LSAMP: variants seen among roughly 807,000 people sequenced by gnomAD.
The protein encoded by LSAMP is limbic system associated membrane protein.
In LSAMP, 7 loss-of-function variants were observed where a neutral mutation model predicts 38.6. The ratio of observed to expected loss-of-function variants is 0.18; its 90% CI spans 0.10 to 0.34. LSAMP has a LOEUF of 0.34. LSAMP is among the 10% of genes least tolerant of loss of function. LSAMP has a pLI of 1.00. For synonymous variants in LSAMP, 154 were observed against 166.8 expected (o/e 0.92, Z 0.59); for missense variants, 313 against 420.0 (o/e 0.75, Z 2.23).
At chr3:115,969,101 G>A (rs902637545) in intron 3 of LSAMP, among the ~76,000 whole-genome samples, 9 of 152,068 alleles carry the variant, frequency 5.9e-5, no homozygotes, top group Non-Finnish European at 1.0e-4. Context: ...TTTCCTACCC[G>A]CTTCAGTGCC....
intron 1 of LSAMP, among the ~76,000 whole-genome samples, chr3:116,221,202 A>G (rs369000323): frequency 6.6e-6 from 1 of 151,746 alleles, no homozygotes; most frequent in African/African-American, 2.4e-5. Context: ...TAACCGAAAC[A>G]TTTATTTAAA....
intron 1 of LSAMP, among the ~76,000 whole-genome samples, chr3:116,110,990 GC>G (rs1255332688): frequency 2.0e-5 from 3 of 152,104 alleles, no homozygotes; most frequent in African/African-American, 4.8e-5. Flanking sequence ...GTGGGCAGGG[GC>G]GGGGGGTCAC....
chr3:115,810,518 C>A, intron 6 of LSAMP, 104 bp from the exon 7 acceptor site: 1 of 771,486 alleles, frequency 1.3e-6, no homozygotes, highest in South Asian at 1.6e-5. Context: ...TGGCCAGGTA[C>A]TAGCATCTCA....
At chr3:116,164,760 A>ATATATTTT (rs374542146) in intron 1 of LSAMP, among the ~76,000 whole-genome samples, 6 of 91,616 alleles carry the variant, frequency 6.5e-5, no homozygotes, top group African/African-American at 2.5e-4. Context: ...ATATATATAT[A>ATATATTTT]TTTTTTTTTT....
At chr3:116,416,862 C>T in intron 1 of LSAMP, among the ~76,000 whole-genome samples, 1 of 151,658 alleles carries the variant, frequency 6.6e-6, no homozygotes, top group Admixed American at 6.6e-5. Context: ...TTAATAATAA[C>T]TAATACATAT....
intron 1 of LSAMP, among the ~76,000 whole-genome samples, chr3:116,359,083 T>C (rs1351158040): frequency 6.6e-6 from 1 of 152,212 alleles, no homozygotes; most frequent in Non-Finnish European, 1.5e-5. Flanking sequence ...TTTCTATATG[T>C]GGTTACTATA....
At chr3:116,354,446 C>G (rs755793932) in intron 1 of LSAMP, among the ~76,000 whole-genome samples, 13 of 152,166 alleles carry the variant, frequency 8.5e-5, no homozygotes, top group Non-Finnish European at 1.5e-4. Flanking sequence ...TGGCAATTAC[C>G]AAAACATTGT....
At chr3:116,103,484 A>G (rs1038268904) in intron 1 of LSAMP, among the ~76,000 whole-genome samples, 5 of 150,170 alleles carry the variant, frequency 3.3e-5, no homozygotes, top group African/African-American at 7.3e-5. Flanking sequence ...AAAAAAAAAA[A>G]AAAAGAAAGA....
At chr3:116,381,030 T>C (rs2107801357) in intron 1 of LSAMP, among the ~76,000 whole-genome samples, 1 of 152,188 alleles carries the variant, frequency 6.6e-6, no homozygotes, top group South Asian at 2.1e-4. Flanking sequence ...TATTTAGGTT[T>C]TCAGTCTTCA....
At chr3:116,286,984 T>C (rs1440696747) in intron 1 of LSAMP, among the ~76,000 whole-genome samples, 1 of 152,088 alleles carries the variant, frequency 6.6e-6, no homozygotes, top group Non-Finnish European at 1.5e-5. Context: ...TTTCTATCTA[T>C]AACCATCTAG....
chr3:115,816,655 A>C, intron 6 of LSAMP: 2 of 1,283,002 alleles, frequency 1.6e-6, no homozygotes, highest in Non-Finnish European at 1.0e-6. Flanking sequence ...TTCTAAAATA[A>C]GAAACATTAA....
At chr3:116,047,130 C>A (rs983586699) in intron 2 of LSAMP, among the ~76,000 whole-genome samples, 34 of 152,188 alleles carry the variant, frequency 2.2e-4, no homozygotes, top group Middle Eastern at 3.4e-3. Flanking sequence ...AATCTGATGC[C>A]CTCAAGAAAA....
intron 2 of LSAMP, among the ~76,000 whole-genome samples, chr3:116,046,530 G>A (rs563795930): frequency 2.0e-5 from 3 of 152,288 alleles, no homozygotes; most frequent in Admixed American, 1.3e-4. Context: ...AGTGGATGTC[G>A]TTAGGTAGGG....
At chr3:116,033,166 T>C (rs567458276) in intron 2 of LSAMP, among the ~76,000 whole-genome samples, 1 of 152,292 alleles carries the variant, frequency 6.6e-6, no homozygotes, top group East Asian at 1.9e-4. Context: ...TATGAGCCTG[T>C]TTACTGCCTG....
intron 6 of LSAMP, among the ~76,000 whole-genome samples, chr3:115,826,251 A>G (rs1279381507): frequency 1.3e-5 from 2 of 152,044 alleles, no homozygotes; most frequent in Non-Finnish European, 2.9e-5. Context: ...AGTAGCTGGG[A>G]CTACAGGCAC....
chr3:116,219,529 G>T (rs550393583), intron 1 of LSAMP, among the ~76,000 whole-genome samples: 1 of 151,884 alleles, frequency 6.6e-6, no homozygotes, highest in Admixed American at 6.6e-5. Context: ...AATTACCTCC[G>T]TACTGGTTTT....
Position 116,431,831 on chromosome 3 carries a change from T to C in LSAMP, c.155+13046A>G, listed in dbSNP as rs568136456. On this transcript the variant is annotated intron_variant, in intron 1 of 6. Transcript: ENST00000490035. Reference sequence around the variant, plus strand: ...ATCTCTTTGTGACTTTGAAAGAAAATAGAAATTTAGTATGGACTTGGAATC... The same window carrying C: ...ATCTCTTTGTGACTTTGAAAGAAAACAGAAATTTAGTATGGACTTGGAATC... 1.1e-4 allele frequency among the ~76,000 whole-genome samples: 16 copies of C among 152,132 alleles called. 1 individual carries two copies. Among genetic ancestry groups the C allele is most frequent in the Admixed American group, 7.9e-4 (12 of 15,274 alleles).
intron 1 of LSAMP, among the ~76,000 whole-genome samples, chr3:116,267,223 A>G (rs1559805447): frequency 2.0e-5 from 3 of 152,174 alleles, no homozygotes; most frequent in African/African-American, 7.2e-5. Context: ...GAGGAAATAA[A>G]AATGAACAAT....
chr3:115,838,990 G>GGATT, intron 6 of LSAMP, among the ~76,000 whole-genome samples: 1 of 152,244 alleles, frequency 6.6e-6, no homozygotes, highest in South Asian at 2.1e-4. Flanking sequence ...GTTCTTCTCT[G>GGATT]GATTGGCTTG....
Sources: allele counts gnomAD v4.1 joint callset (sites outside exome capture counted in the v4.1 genomes callset), GRCh38; gene constraint gnomAD v4.1.1; transcripts MANE v1.5; gene names NCBI Gene and HGNC (gene_info 2026-07-23, HGNC 2026-07-21).